Variants in BLTP1 observed in about 807,000 individuals in gnomAD.
BLTP1 encodes fragile site-associated protein.
the BLTP1 span, chr4:122,276,270 C>T: frequency 2.7e-6 from 1 of 376,500 alleles, no homozygotes; most frequent in Non-Finnish European, 4.2e-6. Context: ...TTGTGTGTTG[C>T]TTGTGCCTTT....
At chr4:122,221,789 A>G in the BLTP1 span, 29 of 984,090 alleles carry the variant, frequency 2.9e-5, 1 homozygote, top group South Asian at 1.3e-3. Flanking sequence ...TCAGTCTATT[A>G]AGGAAATTAA....
At chr4:122,319,482 T>A in the BLTP1 span, among the ~76,000 whole-genome samples, 4 of 152,066 alleles carry the variant, frequency 2.6e-5, no homozygotes, top group Non-Finnish European at 5.9e-5. Flanking sequence ...ATCTTTCTGT[T>A]GTTGATTTCT....
chr4:122,189,676 C>G, the BLTP1 span: 1 of 924,284 alleles, frequency 1.1e-6, no homozygotes, highest in Non-Finnish European at 1.3e-6. Flanking sequence ...ATCGATTTCT[C>G]TCATTCAAAA....
the BLTP1 span, chr4:122,184,803 C>G: frequency 1.0e-6 from 1 of 985,256 alleles, no homozygotes; most frequent in Non-Finnish European, 1.2e-6. Flanking sequence ...ATTTCATACT[C>G]TCTCAGAATA....
the BLTP1 span, chr4:122,192,375 C>CAG: frequency 6.3e-7 from 1 of 1,590,282 alleles, no homozygotes; most frequent in Non-Finnish European, 8.6e-7. Context: ...GGCCGATAGG[C>CAG]AGAGGTACTT....
chr4:122,316,759 G>A, the BLTP1 span: 6 of 1,611,946 alleles, frequency 3.7e-6, no homozygotes, highest in South Asian at 5.5e-5. Flanking sequence ...AAGACAGGCA[G>A]CATCTGCTAG....
At chr4:122,338,975 C>G in the BLTP1 span, among the ~76,000 whole-genome samples, 1 of 152,028 alleles carries the variant, frequency 6.6e-6, no homozygotes. Flanking sequence ...TAAACATGAT[C>G]AATATATGTA....
the BLTP1 span, chr4:122,249,715 G>C: frequency 1.9e-6 from 3 of 1,611,598 alleles, no homozygotes; most frequent in Non-Finnish European, 2.5e-6. Context: ...TGCTTAAGGT[G>C]GGGACAAATA....
the BLTP1 span, chr4:122,238,200 G>C: frequency 1.6e-5 from 26 of 1,614,010 alleles, no homozygotes; most frequent in South Asian, 2.5e-4. Flanking sequence ...CGATCTCATA[G>C]TTCATCCTCT....
the BLTP1 span, among the ~76,000 whole-genome samples, chr4:122,304,182 G>A: frequency 6.6e-6 from 1 of 152,210 alleles, no homozygotes; most frequent in East Asian, 1.9e-4. Flanking sequence ...CCCACTAAAA[G>A]CTCAGATGAT....
At chr4:122,165,904 A>G in the BLTP1 span, among the ~76,000 whole-genome samples, 3 of 150,746 alleles carry the variant, frequency 2.0e-5, no homozygotes, top group Non-Finnish European at 1.5e-5. Context: ...TCCTTCGCCC[A>G]CTTTTTGATG....
the BLTP1 span, chr4:122,281,702 A>C: frequency 1.2e-6 from 2 of 1,611,272 alleles, 1 homozygote; most frequent in South Asian, 2.2e-5. Flanking sequence ...TGGTATAGCC[A>C]TTGGAGCAGC....
the BLTP1 span, among the ~76,000 whole-genome samples, chr4:122,172,617 A>G: frequency 6.6e-6 from 1 of 152,170 alleles, no homozygotes; most frequent in Admixed American, 6.6e-5. Flanking sequence ...TAAAGCAGAG[A>G]TTTTAAAAAT....
the BLTP1 span, chr4:122,167,904 C>T: frequency 1.2e-5 from 12 of 985,132 alleles, no homozygotes. Flanking sequence ...ACCGTTTGCT[C>T]CATGAAGATT....
chr4:122,268,636 TG>T, the BLTP1 span, among the ~76,000 whole-genome samples: 1 of 152,194 alleles, frequency 6.6e-6, no homozygotes, highest in Admixed American at 6.5e-5. Context: ...ACCGTTCAAT[TG>T]ATCTTCCCTA....
chr4:122,166,870 C>T, the BLTP1 span, among the ~76,000 whole-genome samples: 2 of 152,180 alleles, frequency 1.3e-5, no homozygotes, highest in Non-Finnish European at 2.9e-5. Context: ...ATTTGGCTCT[C>T]TATCATTCAT....
At chr4:122,250,878 A>C in the BLTP1 span, 1 of 902,916 alleles carries the variant, frequency 1.1e-6, no homozygotes, top group Non-Finnish European at 1.3e-6. Context: ...AAATCCACCT[A>C]TAGGGTGTGG....
the BLTP1 span, among the ~76,000 whole-genome samples, chr4:122,216,353 A>G: frequency 6.6e-6 from 1 of 152,148 alleles, no homozygotes; most frequent in South Asian, 2.1e-4. Flanking sequence ...TGTTTTCCAT[A>G]GTGGTTGTAC....
At chr4:122,307,899 T>C in the BLTP1 span, 2 of 1,586,180 alleles carry the variant, frequency 1.3e-6, no homozygotes, top group Admixed American at 1.8e-5. Flanking sequence ...ACATATAGAT[T>C]TACAGTGTTG....
Sources: gnomAD v4.1 joint callset for allele counts (sites outside exome capture counted in the v4.1 genomes callset) on GRCh38, gnomAD v4.1.1 for gene constraint, MANE v1.5 for transcripts, NCBI Gene and HGNC (gene_info 2026-07-23, HGNC 2026-07-21) for gene names.